Variants in EYA2 observed in about 807,000 individuals in gnomAD.
The protein encoded by EYA2 is protein phosphatase EYA2.
Under a neutral mutation model 69.2 loss-of-function variants are expected in EYA2, and 31 were observed. That is an observed-to-expected ratio of 0.45 (90% CI 0.34 to 0.60). EYA2 has a LOEUF of 0.60. Ranked by LOEUF, EYA2 falls within the 20% of genes least tolerant of loss-of-function variation. EYA2 has a pLI of 0.02. For synonymous variants in EYA2, 257 were observed against 279.4 expected (o/e 0.92, Z 0.80); for missense variants, 622 against 701.2 (o/e 0.89, Z 1.28).
intron 10 of EYA2, among the ~76,000 whole-genome samples, chr20:47,147,082 G>C (rs1333202748): frequency 8.1e-6 from 1 of 123,762 alleles, no homozygotes; most frequent in African/African-American, 3.1e-5. Flanking sequence ...TTTTGAGACA[G>C]TCTCACTCTG....
chr20:47,024,668 G>A (rs549690159), intron 5 of EYA2, among the ~76,000 whole-genome samples: 3 of 152,308 alleles, frequency 2.0e-5, no homozygotes, highest in South Asian at 2.1e-4. Flanking sequence ...GAGAGACCAC[G>A]GGCCTCCACC....
intron 9 of EYA2, among the ~76,000 whole-genome samples, chr20:47,137,822 G>A (rs141165491): frequency 0.017 from 2,620 of 152,122 alleles, 112 homozygotes; most frequent in East Asian, 0.17. Flanking sequence ...AAAAATGATG[G>A]GTTCATGTCC....
intron 5 of EYA2, among the ~76,000 whole-genome samples, chr20:47,039,835 C>CTTTTTTTTTTTTTTTTTT (rs10689930): frequency 1.4e-5 from 1 of 69,804 alleles, no homozygotes; most frequent in African/African-American, 6.1e-5. Context: ...AGATCAAATA[C>CTTTTTTTTTTTTTTTTTT]TTTTTTTTTT....
intron 10 of EYA2, among the ~76,000 whole-genome samples, chr20:47,166,395 A>T (rs917658974): frequency 2.2e-4 from 13 of 60,222 alleles, no homozygotes; most frequent in African/African-American, 1.5e-3. Flanking sequence ...AGACTGTCTA[A>T]AAAAAAAAAA....
intron 5 of EYA2, among the ~76,000 whole-genome samples, chr20:47,025,825 G>A (rs536711276): frequency 6.6e-6 from 1 of 152,150 alleles, no homozygotes; most frequent in East Asian, 1.9e-4. Context: ...AAAACTCATC[G>A]ACCCAGTGTC....
intron 1 of EYA2, among the ~76,000 whole-genome samples, chr20:46,930,927 C>T (rs1337208177): frequency 6.6e-6 from 1 of 152,188 alleles, no homozygotes; most frequent in Non-Finnish European, 1.5e-5. Context: ...CGTAGGGTCT[C>T]TCAGCTTCAG....
chr20:47,117,253 G>T (rs940469692), intron 9 of EYA2, among the ~76,000 whole-genome samples: 1 of 152,078 alleles, frequency 6.6e-6, no homozygotes, highest in Admixed American at 6.5e-5. Context: ...CAAATGATCC[G>T]CCCGCCTGGG....
At chr20:46,973,834 A>G (rs975275684) in intron 1 of EYA2, among the ~76,000 whole-genome samples, 1 of 152,160 alleles carries the variant, frequency 6.6e-6, no homozygotes, top group Non-Finnish European at 1.5e-5. Flanking sequence ...AAATTGCATA[A>G]AATTCAGCCA....
chr20:46,961,415 C>T (rs1433715818), intron 1 of EYA2, among the ~76,000 whole-genome samples: 3 of 152,138 alleles, frequency 2.0e-5, no homozygotes, highest in Admixed American at 2.0e-4. Flanking sequence ...CTCTTACACC[C>T]TGTTGGTGGG....
At chr20:46,935,203 G>C (rs1046585701) in intron 1 of EYA2, among the ~76,000 whole-genome samples, 1 of 152,172 alleles carries the variant, frequency 6.6e-6, no homozygotes, top group Non-Finnish European at 1.5e-5. Flanking sequence ...CAGATCTCCA[G>C]GCTCTTGTGT....
intron 9 of EYA2, among the ~76,000 whole-genome samples, chr20:47,120,622 G>C (rs1179146395): frequency 6.6e-6 from 1 of 152,250 alleles, no homozygotes; most frequent in Middle Eastern, 3.4e-3. Flanking sequence ...AAAGGTCCCA[G>C]ATCAAATCCC....
At chr20:47,045,150 T>C (rs1441169690) in intron 5 of EYA2, among the ~76,000 whole-genome samples, 1 of 152,196 alleles carries the variant, frequency 6.6e-6, no homozygotes, top group Non-Finnish European at 1.5e-5. Context: ...TAGGTGGTTT[T>C]CCACTCTTCC....
chr20:47,088,463 T>TCCTC (rs1006564426), intron 7 of EYA2, among the ~76,000 whole-genome samples: 2 of 152,080 alleles, frequency 1.3e-5, no homozygotes, highest in African/African-American at 4.8e-5. Flanking sequence ...AATGCATAAC[T>TCCTC]CCTCCATCAT....
chr20:46,942,253 G>C (rs1986185756), intron 1 of EYA2, among the ~76,000 whole-genome samples: 1 of 151,430 alleles, frequency 6.6e-6, no homozygotes, highest in Non-Finnish European at 1.5e-5. Context: ...TGTCACCCAG[G>C]CTGGAGTGCA....
intron 5 of EYA2, among the ~76,000 whole-genome samples, chr20:47,033,632 G>A (rs1984540682): frequency 6.6e-6 from 1 of 152,190 alleles, no homozygotes; most frequent in Admixed American, 6.5e-5. Context: ...AAGGTGTCGG[G>A]GAGAGGCAGT....
intron 10 of EYA2, among the ~76,000 whole-genome samples, chr20:47,165,660 T>G (rs2034167573): frequency 6.6e-6 from 1 of 152,188 alleles, no homozygotes; most frequent in Non-Finnish European, 1.5e-5. Context: ...TGCCACAAAG[T>G]TGCTGTGCCT....
intron 9 of EYA2, among the ~76,000 whole-genome samples, chr20:47,110,661 C>T (rs905557850): frequency 6.6e-6 from 1 of 152,236 alleles, no homozygotes; most frequent in Non-Finnish European, 1.5e-5. Flanking sequence ...GATGTGTTCA[C>T]AGCTTTATCC....
chr20:46,983,784 A>G (rs1052758049), intron 1 of EYA2, among the ~76,000 whole-genome samples: 23 of 152,106 alleles, frequency 1.5e-4, no homozygotes, highest in Non-Finnish European at 2.9e-4. Context: ...GGAAAACTCT[A>G]AGCTGTTGCT....
chr20:46,900,530 A>G (rs1005038284), intron 1 of EYA2, among the ~76,000 whole-genome samples: 6 of 152,280 alleles, frequency 3.9e-5, no homozygotes, highest in Admixed American at 3.3e-4. Flanking sequence ...AATTACAGCA[A>G]GAAGCTATGC....
Sources: allele counts gnomAD v4.1 joint callset (sites outside exome capture counted in the v4.1 genomes callset), GRCh38; gene constraint gnomAD v4.1.1; transcripts MANE v1.5; gene names NCBI Gene and HGNC (gene_info 2026-07-23, HGNC 2026-07-21).